MYO16: variants seen among roughly 807,000 people sequenced by gnomAD.
MYO16 encodes unconventional myosin-XVI.
A neutral mutation model predicts 205.3 loss-of-function variants in MYO16; 94 were observed. That is an observed-to-expected ratio of 0.46 (90% CI 0.39 to 0.54). The LOEUF is 0.54. MYO16 is among the 20% of genes least tolerant of loss of function. The pLI, the probability that MYO16 is intolerant of heterozygous loss-of-function variation, is 0.00. For synonymous variants in MYO16, 988 were observed against 954.0 expected, an observed-to-expected ratio of 1.04 and a Z score of -0.66; for missense variants, 2,315 against 2,387.5, an observed-to-expected ratio of 0.97 and a Z score of 0.63.
chr13:108,884,156 G>A (rs1456354401), intron 13 of MYO16, among the ~76,000 whole-genome samples: 1 of 152,150 alleles, frequency 6.6e-6, no homozygotes. Flanking sequence ...CACAACTCGA[G>A]TCAAAGTGAA....
intron 23 of MYO16, among the ~76,000 whole-genome samples, chr13:109,044,430 T>C (rs1886975243): frequency 6.6e-6 from 1 of 152,186 alleles, no homozygotes; most frequent in South Asian, 2.1e-4. Flanking sequence ...AGGATATGAT[T>C]GGAGGCATTT....
At chr13:108,901,554 T>C (rs1880709232) in intron 15 of MYO16, among the ~76,000 whole-genome samples, 1 of 152,176 alleles carries the variant, frequency 6.6e-6, no homozygotes, top group Non-Finnish European at 1.5e-5. Context: ...CAATATAATT[T>C]CAGACTTGCG....
At chr13:108,607,474 GC>G (rs1300798283) in intron 1 of MYO16, among the ~76,000 whole-genome samples, 1 of 152,064 alleles carries the variant, frequency 6.6e-6, no homozygotes, top group Non-Finnish European at 1.5e-5. Context: ...GGCTTTTCCT[GC>G]TTCTTTTAGC....
At chr13:109,023,628 G>A (rs868403494) in intron 23 of MYO16, among the ~76,000 whole-genome samples, 1 of 102,416 alleles carries the variant, frequency 9.8e-6, no homozygotes, top group Non-Finnish European at 1.9e-5. Context: ...CAAATATATA[G>A]ACAAATATAT....
intron 34 of MYO16, among the ~76,000 whole-genome samples, chr13:109,183,300 G>A (rs1368809236): frequency 1.3e-5 from 2 of 152,116 alleles, no homozygotes; most frequent in East Asian, 1.9e-4. Context: ...ATCCTCTGCC[G>A]ACTCAGAGGG....
chr13:108,948,331 A>G (rs1297357094), intron 16 of MYO16, among the ~76,000 whole-genome samples: 1 of 152,262 alleles, frequency 6.6e-6, no homozygotes, highest in Non-Finnish European at 1.5e-5. Context: ...CACAGCAGAT[A>G]AAAAAACTGA....
chr13:108,846,344 A>G (rs1877516288), intron 10 of MYO16, among the ~76,000 whole-genome samples: 1 of 152,134 alleles, frequency 6.6e-6, no homozygotes, highest in African/African-American at 2.4e-5. Flanking sequence ...CTCAAGAATG[A>G]GTTCTGTTTC....
chr13:109,175,620 G>A (rs1187096173), intron 33 of MYO16, among the ~76,000 whole-genome samples: 4 of 152,136 alleles, frequency 2.6e-5, no homozygotes, highest in Non-Finnish European at 4.4e-5. Context: ...TATTGCCCTG[G>A]AAAGAATGTG....
chr13:108,640,619 A>T (rs1209140732), intron 1 of MYO16, among the ~76,000 whole-genome samples: 1 of 152,120 alleles, frequency 6.6e-6, no homozygotes, highest in African/African-American at 2.4e-5. Flanking sequence ...AGTGAAACCC[A>T]TCTATCCTTT....
At chr13:108,865,585 C>G (rs1260765660) in intron 11 of MYO16, among the ~76,000 whole-genome samples, 2 of 151,860 alleles carry the variant, frequency 1.3e-5, no homozygotes, top group East Asian at 3.9e-4. Context: ...TATTTTAATA[C>G]AATTTATAAT....
intron 1 of MYO16, among the ~76,000 whole-genome samples, chr13:108,663,022 C>T (rs1881571447): frequency 6.6e-6 from 1 of 152,184 alleles, no homozygotes; most frequent in Non-Finnish European, 1.5e-5. Flanking sequence ...AGACCTTCAC[C>T]TTCTCCAGTG....
intron 24 of MYO16, among the ~76,000 whole-genome samples, chr13:109,049,318 G>A (rs187155553): frequency 6.6e-6 from 1 of 152,210 alleles, no homozygotes; most frequent in East Asian, 1.9e-4. Flanking sequence ...GTTTTAAGAG[G>A]CAAATGGATA....
Position 108,785,685 on chromosome 13 carries a change from T to G in MYO16, c.558T>G (p.Asp186Glu). 2 of 1,613,624 alleles carry G rather than the reference T, an allele frequency of 1.2e-6. No homozygotes were observed. Among genetic ancestry groups the G allele is most frequent in the African/African-American group, 2.7e-5 (2 of 75,012 alleles). The change falls in exon 5 of 35, where the codon GAT (aspartate) becomes GAG (glutamate). Residue 186 changes from aspartate (D) to glutamate (E), a missense_variant. Asp to Glu is a conservative substitution (Grantham distance 45). Transcript: ENST00000457511. ...LQDVNGNIPL[D>E]YAVEGTESSS... The stretch of plus-strand genomic sequence containing the variant: ...ATGTGAATGGAAATATCCCATTAGA[T>G]TATGCTGTAGAAGGGACAGAATCCA...
At chr13:108,826,414 A>G (rs1876268327) in intron 9 of MYO16, among the ~76,000 whole-genome samples, 1 of 152,152 alleles carries the variant, frequency 6.6e-6, no homozygotes, top group Admixed American at 6.6e-5. Context: ...ATACATAAAA[A>G]TTAACTCAAA....
At chr13:108,815,815 C>G (rs1875553230) in intron 7 of MYO16, among the ~76,000 whole-genome samples, 1 of 152,026 alleles carries the variant, frequency 6.6e-6, no homozygotes, top group Non-Finnish European at 1.5e-5. Context: ...ATGCAAAGTA[C>G]CTATAATAGA....
At chr13:109,143,496 A>T (rs1486330143) in intron 32 of MYO16, among the ~76,000 whole-genome samples, 2 of 152,172 alleles carry the variant, frequency 1.3e-5, no homozygotes, top group African/African-American at 2.4e-5. Flanking sequence ...ACAAATTAAT[A>T]TTTGCTTTTA....
intron 4 of MYO16, among the ~76,000 whole-genome samples, chr13:108,767,110 TTTTG>T (rs201536470): frequency 0.067 from 10,118 of 152,140 alleles, 573 homozygotes; most frequent in East Asian, 0.23. Context: ...TTTTGTTTTG[TTTTG>T]TTTTGAGACA....
At chr13:108,690,069 C>T (rs55924730) in intron 2 of MYO16, among the ~76,000 whole-genome samples, 62 of 152,216 alleles carry the variant, frequency 4.1e-4, no homozygotes, top group Admixed American at 1.2e-3. Flanking sequence ...AGCCCAATGC[C>T]TTCCACCAGA....
chr13:108,959,531 G>T (rs1445983444), intron 17 of MYO16, among the ~76,000 whole-genome samples: 1 of 152,170 alleles, frequency 6.6e-6, no homozygotes, highest in Non-Finnish European at 1.5e-5. Flanking sequence ...GCACACCCTA[G>T]CAAAAAACAT....
Sources: allele counts gnomAD v4.1 joint callset (sites outside exome capture counted in the v4.1 genomes callset), GRCh38; gene constraint gnomAD v4.1.1; transcripts MANE v1.5; gene names NCBI Gene and HGNC (gene_info 2026-07-23, HGNC 2026-07-21).